Variants in PPP1R9A observed in about 807,000 individuals in gnomAD.
PPP1R9A encodes the protein neurabin-1.
In PPP1R9A, 59 loss-of-function variants were observed where a neutral mutation model predicts 141.9. That is an observed-to-expected ratio of 0.42 (90% CI 0.34 to 0.52). PPP1R9A has a LOEUF of 0.52. PPP1R9A is among the 20% of genes least tolerant of loss of function. The pLI is 0.10. For synonymous variants in PPP1R9A, 500 were observed against 569.7 expected (o/e 0.88, Z 1.74); for missense variants, 1,444 against 1,611.9 (o/e 0.90, Z 1.78).
At chr7:95,050,090 A>T (rs1470239574) in intron 2 of PPP1R9A, among the ~76,000 whole-genome samples, 2 of 152,222 alleles carry the variant, frequency 1.3e-5, no homozygotes, top group Non-Finnish European at 2.9e-5. Flanking sequence ...ACTGTCTTCC[A>T]AAGTGGCTGT....
chr7:94,943,300 TA>T (rs1453590586), intron 2 of PPP1R9A, among the ~76,000 whole-genome samples: 3 of 152,232 alleles, frequency 2.0e-5, no homozygotes, highest in Non-Finnish European at 4.4e-5. Flanking sequence ...CTGAGCTTTC[TA>T]AATCTCTCCT....
At chr7:95,285,055 CCTGCTGCTTAAATGTT>C (rs1388964757) in intron 17 of PPP1R9A, among the ~76,000 whole-genome samples, 7 of 152,170 alleles carry the variant, frequency 4.6e-5, no homozygotes, top group Non-Finnish European at 8.8e-5. Flanking sequence ...TGTTAAATGT[CCTGCTGCTTAAATGTT>C]CTGCTGGCCT....
At chr7:95,015,249 TAC>T (rs144153873) in intron 2 of PPP1R9A, among the ~76,000 whole-genome samples, 7,710 of 150,142 alleles carry the variant, frequency 0.051, 714 homozygotes, top group East Asian at 0.41. Flanking sequence ...CACACACACA[TAC>T]ACACACACAT....
chr7:95,104,643 C>G (rs1005629751), intron 2 of PPP1R9A, among the ~76,000 whole-genome samples: 1 of 152,108 alleles, frequency 6.6e-6, no homozygotes, highest in African/African-American at 2.4e-5. Flanking sequence ...AACATACTCC[C>G]GGGCACACAC....
At chr7:94,955,245 ACTAT>A (rs1303087503) in intron 2 of PPP1R9A, among the ~76,000 whole-genome samples, 1 of 152,102 alleles carries the variant, frequency 6.6e-6, no homozygotes, top group African/African-American at 2.4e-5. Flanking sequence ...TAAATAGCAC[ACTAT>A]CTGATTCCTG....
chr7:94,966,059 G>A (rs1340335663), intron 2 of PPP1R9A, among the ~76,000 whole-genome samples: 1 of 152,100 alleles, frequency 6.6e-6, no homozygotes, highest in African/African-American at 2.4e-5. Flanking sequence ...GTATTCGTAG[G>A]TAGTTTATTC....
chr7:95,246,279 C>T (rs1207419075), intron 8 of PPP1R9A, among the ~76,000 whole-genome samples: 1 of 152,198 alleles, frequency 6.6e-6, no homozygotes, highest in Non-Finnish European at 1.5e-5. Context: ...CATTGCTAGT[C>T]TGAAAACTCC....
At chr7:95,271,798 AT>A (rs1017945328) in intron 14 of PPP1R9A, among the ~76,000 whole-genome samples, 2 of 152,124 alleles carry the variant, frequency 1.3e-5, no homozygotes, top group Non-Finnish European at 2.9e-5. Context: ...TATTGGAGAG[AT>A]TTTAAAAAGC....
chr7:94,911,433 G>T lies in PPP1R9A; in HGVS notation c.1320G>T (p.Ser440=). Residue 440 remains serine (S), a synonymous_variant, in exon 2 of 20, where the codon TCG becomes TCT. Coordinates refer to ENST00000433360, the MANE Select transcript of PPP1R9A (RefSeq NM_001166160.2). The part of the protein sequence containing the change: ...NSYYQPDMEY[S]EIVGLPEEEE... Reference sequence around the variant, plus strand: ...ACTATCAGCCTGATATGGAGTACTCGGAAATTGTTGGATTGCCAGAAGAAG... The same window carrying T: ...ACTATCAGCCTGATATGGAGTACTCTGAAATTGTTGGATTGCCAGAAGAAG... The T allele has an allele frequency of 1.2e-6, 2 of 1,613,794 alleles. No individual in the cohort carries two copies. The highest frequency in any genetic ancestry group is 1.7e-6 in the Non-Finnish European group (2 of 1,179,742).
At chr7:95,087,871 G>A (rs921640980) in intron 2 of PPP1R9A, among the ~76,000 whole-genome samples, 1 of 150,508 alleles carries the variant, frequency 6.6e-6, no homozygotes, top group African/African-American at 2.5e-5. Context: ...CTCCAGCCTA[G>A]GTGACAGAGT....
intron 2 of PPP1R9A, among the ~76,000 whole-genome samples, chr7:95,033,672 C>T (rs1486046641): frequency 6.6e-5 from 10 of 152,150 alleles, no homozygotes; most frequent in African/African-American, 2.4e-4. Flanking sequence ...TGAAAACTTA[C>T]CTGAAGTTGA....
chr7:95,008,916 G>A (rs1279074550), intron 2 of PPP1R9A, among the ~76,000 whole-genome samples: 1 of 152,100 alleles, frequency 6.6e-6, no homozygotes, highest in East Asian at 1.9e-4. Context: ...GTCCATCAGT[G>A]ATAGACTGGA....
At chr7:94,954,541 T>C (rs1796858515) in intron 2 of PPP1R9A, among the ~76,000 whole-genome samples, 1 of 152,062 alleles carries the variant, frequency 6.6e-6, no homozygotes, top group South Asian at 2.1e-4. Context: ...TGTGTCCTTA[T>C]TTTTTAAGAA....
chr7:95,274,087 C>A lies in PPP1R9A; in HGVS notation c.3215C>A (p.Ala1072Glu), dbSNP rs558593138. 6 of 1,572,902 alleles carry A rather than the reference C, an allele frequency of 3.8e-6. No individual in the cohort carries two copies. In the East Asian group the frequency reaches 1.4e-4, roughly 36 times the overall value. ...CTGACTGCTTACTATCATTACAGGG[C>A]GCCTTTGCGAAGGAATTCCAGCAAG... ...KIKRKFVDLG[A>E]PLRRNSSKGK... The change falls in exon 16 of 20, where the codon GCG (alanine) becomes GAG (glutamate). Residue 1072 changes from alanine (A) to glutamate (E), a missense_variant and splice_region_variant. Physicochemically the swap from Ala to Glu is moderately radical, Grantham distance 107. Coordinates refer to ENST00000433360, the MANE Select transcript of PPP1R9A (RefSeq NM_001166160.2).
rs556169594 is a variant in PPP1R9A, at chr7:95,284,030, C to T, written c.3309C>T (p.Gly1103=). The T allele has an allele frequency of 1.6e-5, 25 of 1,593,250 alleles. No homozygotes were observed. Among genetic ancestry groups the T allele is most frequent in the Admixed American group, 8.4e-5 (5 of 59,364 alleles). Residue 1103 remains glycine (G), a synonymous_variant, in exon 17 of 20, where the codon GGC becomes GGT. Coordinates refer to ENST00000433360, the MANE Select transcript of PPP1R9A (RefSeq NM_001166160.2). The stretch of plus-strand genomic sequence containing the variant: ...TTTCACAAAACAGGATCTTCAGAGG[C>T]AGACTGGAAAACTGGACACCCAAGC... ...RFSAGSRIFR[G]RLENWTPKPC...
At chr7:95,150,591 C>T (rs1271968742) in intron 4 of PPP1R9A, among the ~76,000 whole-genome samples, 4 of 152,134 alleles carry the variant, frequency 2.6e-5, no homozygotes, top group African/African-American at 4.8e-5. Flanking sequence ...CATGAGCCAC[C>T]GCGTCCGGCT....
At chr7:95,218,924 T>C (rs1231676181) in intron 7 of PPP1R9A, among the ~76,000 whole-genome samples, 1 of 152,222 alleles carries the variant, frequency 6.6e-6, no homozygotes. Flanking sequence ...CTTTATCCAA[T>C]TTGCCAGTCT....
At chr7:95,171,454 A>G (rs1439751274) in intron 5 of PPP1R9A, among the ~76,000 whole-genome samples, 1 of 151,638 alleles carries the variant, frequency 6.6e-6, no homozygotes, top group Non-Finnish European at 1.5e-5. Flanking sequence ...GTAAATCTTT[A>G]GTCAGACTTG....
At chr7:95,250,642 G>C (rs571713513) in intron 10 of PPP1R9A, among the ~76,000 whole-genome samples, 3 of 152,202 alleles carry the variant, frequency 2.0e-5, no homozygotes, top group Admixed American at 6.5e-5. Flanking sequence ...CCACAGCTGG[G>C]GCCTGAATCA....
Sources: allele counts gnomAD v4.1 joint callset (sites outside exome capture counted in the v4.1 genomes callset), GRCh38; gene constraint gnomAD v4.1.1; transcripts MANE v1.5; gene names NCBI Gene and HGNC (gene_info 2026-07-23, HGNC 2026-07-21).